ATXN1: variants seen among roughly 807,000 people sequenced by gnomAD.
ATXN1 encodes ataxin 1, also known as ataxin-1.
Under a neutral mutation model 56.4 loss-of-function variants are expected in ATXN1, and 8 were observed. That is an observed-to-expected ratio of 0.14 (90% CI 0.08 to 0.26). The LOEUF is 0.26. Ranked by LOEUF, ATXN1 falls within the 10% of genes least tolerant of loss-of-function variation. ATXN1 has a pLI of 1.00. For missense variants in ATXN1, 987 were observed against 1,106.5 expected (o/e 0.89, Z 1.53); for synonymous variants, 514 against 494.6 (o/e 1.04, Z -0.52).
At chr6:16,419,066 G>A (rs768524289) in intron 6 of ATXN1, among the ~76,000 whole-genome samples, 17 of 152,060 alleles carry the variant, frequency 1.1e-4, no homozygotes, top group Non-Finnish European at 2.2e-4. Flanking sequence ...CTTTTCTGTT[G>A]AATAAGGGTA....
chr6:16,432,037 C>A (rs1759295374), intron 6 of ATXN1, among the ~76,000 whole-genome samples: 1 of 152,144 alleles, frequency 6.6e-6, no homozygotes, highest in African/African-American at 2.4e-5. Context: ...GGTGGATAAT[C>A]TATTTATTTT....
chr6:16,538,905 C>T (rs759880577), intron 4 of ATXN1, among the ~76,000 whole-genome samples: 7 of 152,076 alleles, frequency 4.6e-5, no homozygotes, highest in African/African-American at 7.2e-5. Flanking sequence ...AGGATGGTCT[C>T]GAACTCCTGA....
At chr6:16,418,290 T>C (rs999991940) in intron 6 of ATXN1, among the ~76,000 whole-genome samples, 2 of 152,240 alleles carry the variant, frequency 1.3e-5, no homozygotes, top group African/African-American at 4.8e-5. Flanking sequence ...TCCTCTAGAC[T>C]ATTAATCCCT....
At chr6:16,430,940 T>C (rs1185475253) in intron 6 of ATXN1, among the ~76,000 whole-genome samples, 3 of 152,038 alleles carry the variant, frequency 2.0e-5, no homozygotes, top group Non-Finnish European at 4.4e-5. Context: ...GCGGGAGAAA[T>C]GTGAATGCAT....
chr6:16,393,108 T>C (rs1308075209), intron 6 of ATXN1, among the ~76,000 whole-genome samples: 2 of 152,194 alleles, frequency 1.3e-5, no homozygotes, highest in African/African-American at 2.4e-5. Flanking sequence ...CAAGCACATA[T>C]TGACTTTTTT....
At chr6:16,579,726 A>G (rs1762494437) in intron 4 of ATXN1, among the ~76,000 whole-genome samples, 2 of 152,066 alleles carry the variant, frequency 1.3e-5, no homozygotes, top group Admixed American at 1.3e-4. Flanking sequence ...CAGAGGGGGA[A>G]CAGAACACAG....
intron 3 of ATXN1, among the ~76,000 whole-genome samples, chr6:16,640,206 G>C (rs1437010995): frequency 1.3e-5 from 2 of 152,088 alleles, no homozygotes; most frequent in Non-Finnish European, 2.9e-5. Flanking sequence ...TGTTATATCT[G>C]TTATGGTGAT....
intron 5 of ATXN1, among the ~76,000 whole-genome samples, chr6:16,487,381 A>G (rs1760570868): frequency 6.6e-6 from 1 of 152,218 alleles, no homozygotes; most frequent in Admixed American, 6.5e-5. Context: ...GGCAAGAATG[A>G]ATAATAACAA....
At chr6:16,440,649 A>AAAAAAAAAAAAAAAAAAAAAAG (rs56105499) in intron 6 of ATXN1, among the ~76,000 whole-genome samples, 1,435 of 113,254 alleles carry the variant, frequency 0.013, 58 homozygotes, top group Non-Finnish European at 0.02. Flanking sequence ...TTAAAAAAAA[A>AAAAAAAAAAAAAAAAAAAAAAG]AAAGAAAAGA....
At chr6:16,388,972 A>G (rs576548321) in intron 6 of ATXN1, among the ~76,000 whole-genome samples, 2 of 152,310 alleles carry the variant, frequency 1.3e-5, no homozygotes, top group South Asian at 4.1e-4. Context: ...CTCCTGACCA[A>G]TGCTGTCTTC....
In ATXN1 at chr6:16,299,934, G is replaced by A. The variant is rs545532728; in HGVS notation, c.*6395C>T. ...CCACTCCTGGGCCAGAAAACTGAAA[G>A]AGTAGGTGGTTCCTGTAAGAACCAG... On this transcript the variant is annotated 3_prime_UTR_variant, in exon 8 of 8. Transcript: ENST00000436367. 6.5e-6 allele frequency: 1 copy of A among 152,698 alleles called. No homozygotes were observed. The highest frequency in any genetic ancestry group is 2.4e-5 in the African/African-American group (1 of 41,472). The allele number at this position is 152,698 out of a possible 1,614,324, so 9.5% of individuals were successfully genotyped here.
intron 6 of ATXN1, among the ~76,000 whole-genome samples, chr6:16,467,532 C>T (rs760385125): frequency 4.6e-5 from 7 of 152,148 alleles, no homozygotes; most frequent in South Asian, 2.1e-4. Flanking sequence ...TAGAAGAACA[C>T]GCATCCCAGT....
intron 2 of ATXN1, among the ~76,000 whole-genome samples, chr6:16,669,552 G>A (rs1229155636): frequency 6.6e-6 from 1 of 151,962 alleles, no homozygotes; most frequent in East Asian, 1.9e-4. Flanking sequence ...CCCTTGGTGT[G>A]CTCTACTACA....
chr6:16,569,334 C>G (rs1489751975), intron 4 of ATXN1, among the ~76,000 whole-genome samples: 2 of 152,104 alleles, frequency 1.3e-5, no homozygotes, highest in Non-Finnish European at 2.9e-5. Context: ...GCCTGACCAA[C>G]ATGGTGAAAC....
chr6:16,335,724 G>A (rs1761109337), intron 6 of ATXN1, among the ~76,000 whole-genome samples: 1 of 152,164 alleles, frequency 6.6e-6, no homozygotes, highest in Admixed American at 6.5e-5. Flanking sequence ...GATGATCCAG[G>A]TGGGCCCTCA....
intron 6 of ATXN1, among the ~76,000 whole-genome samples, chr6:16,407,157 T>C (rs756147273): frequency 9.8e-5 from 15 of 152,360 alleles, no homozygotes; most frequent in Non-Finnish European, 1.9e-4. Flanking sequence ...ATAATGGGCA[T>C]GCCTGAGATC....
intron 6 of ATXN1, among the ~76,000 whole-genome samples, chr6:16,348,471 G>T (rs1362561082): frequency 1.3e-5 from 2 of 152,078 alleles, no homozygotes; most frequent in South Asian, 4.1e-4. Context: ...GCCGAGGGGG[G>T]GCAGATCATG....
At position 16,642,535 on chromosome 6, in the gene ATXN1, T is replaced by G. The variant is rs1396379164; in HGVS notation, c.-489+15241A>C. Among the ~76,000 whole-genome samples the G allele has an allele frequency of 3.9e-5, 6 of 152,238 alleles. No homozygotes were observed. The East Asian group carries it at 1.2e-3, about 29-fold the overall frequency. On this transcript the variant is annotated intron_variant, in intron 3 of 7. Transcript: ENST00000436367. ...AAACTTAATTGATGCAGTGACAGGT[T>G]TGAGAGGACTGACTCTAACTTTGAA...
At chr6:16,668,227 G>A (rs1190498988) in intron 2 of ATXN1, among the ~76,000 whole-genome samples, 1 of 151,784 alleles carries the variant, frequency 6.6e-6, no homozygotes, top group Non-Finnish European at 1.5e-5. Context: ...AAGTTTTAGG[G>A]TACATGTGCA....
Sources: allele counts gnomAD v4.1 joint callset (sites outside exome capture counted in the v4.1 genomes callset), GRCh38; gene constraint gnomAD v4.1.1; transcripts MANE v1.5; gene names NCBI Gene and HGNC (gene_info 2026-07-23, HGNC 2026-07-21).